Variants in TRIM2 observed in about 807,000 individuals in gnomAD.
TRIM2 encodes tripartite motif containing 2.
In TRIM2, 20 loss-of-function variants were observed where a neutral mutation model predicts 75.2. The ratio of observed to expected loss-of-function variants is 0.27; its 90% CI spans 0.19 to 0.39. TRIM2 has a LOEUF of 0.39. Ranked by LOEUF, TRIM2 falls within the 10% of genes least tolerant of loss-of-function variation. The pLI is 1.00. For missense variants in TRIM2, 660 were observed against 990.8 expected (o/e 0.67, Z 4.48); for synonymous variants, 373 against 388.3 (o/e 0.96, Z 0.46).
chr4:153,263,104 G>A (rs1753988133), intron 1 of TRIM2, among the ~76,000 whole-genome samples: 1 of 152,206 alleles, frequency 6.6e-6, no homozygotes, highest in African/African-American at 2.4e-5. Context: ...GCTGAAGCGA[G>A]AGGATCACTT....
In TRIM2 at chr4:153,239,834, C is replaced by CTTTTTT. The variant is rs372940429; in HGVS notation, c.31-30488_31-30483dup. Among the ~76,000 whole-genome samples the CTTTTTT allele has an allele frequency of 1.2e-4, 14 of 117,692 alleles. 1 individual carries two copies. The highest frequency in any genetic ancestry group is 2.2e-4 in the African/African-American group (6 of 27,324). 77.2% of individuals were successfully genotyped at this position (117,692 alleles called of 152,430 possible). A position where few individuals can be genotyped will look rare whatever the true frequency, so the allele number is the denominator to read the frequency against. On this transcript the variant is annotated intron_variant, in intron 1 of 11. Coordinates refer to ENST00000338700, the MANE Select transcript of TRIM2 (RefSeq NM_015271.5). ...ATGACAGCATCCTAACTTTCTTTCT[C>CTTTTTT]TTTTTTTTTTTTTTTTTTGTAAGAT...
chr4:153,273,894 T>G (rs1757454933), intron 2 of TRIM2, among the ~76,000 whole-genome samples: 1 of 152,028 alleles, frequency 6.6e-6, no homozygotes, highest in African/African-American at 2.4e-5. Flanking sequence ...GGGGAGTGAA[T>G]AGAATTTCAG....
upstream of TRIM2, among the ~76,000 whole-genome samples, chr4:153,201,034 G>A (rs1734311744): frequency 6.6e-6 from 1 of 151,888 alleles, no homozygotes; most frequent in South Asian, 2.1e-4. Flanking sequence ...CATGATGTCA[G>A]CTCACTGCAA....
rs897634323 is a variant in TRIM2 at position 153,316,924 on chromosome 4, A to T, written c.1782+925A>T. The stretch of plus-strand genomic sequence containing the variant: ...GAGACGGAGTCTTGCTCTGTCACCC[A>T]GTCTGGAGTGCAGTGGCGCGATCTC... On this transcript the variant is annotated intron_variant, in intron 8 of 11. Coordinates refer to ENST00000338700, the MANE Select transcript of TRIM2 (RefSeq NM_015271.5). 2.8e-5 allele frequency among the ~76,000 whole-genome samples: 3 copies of T among 108,252 alleles called. No homozygotes were observed. The Admixed American group carries it at 4.6e-4, about 17-fold the overall frequency. 71.0% of individuals were successfully genotyped at this position (108,252 alleles called of 152,430 possible).
chr4:153,249,898 C>T (rs1324962723), intron 1 of TRIM2, among the ~76,000 whole-genome samples: 1 of 152,114 alleles, frequency 6.6e-6, no homozygotes, highest in Non-Finnish European at 1.5e-5. Flanking sequence ...TAGTTAGCAC[C>T]GGGAGATTAC....
At chr4:153,326,094 C>T (rs1448999314) in intron 10 of TRIM2, among the ~76,000 whole-genome samples, 1 of 152,142 alleles carries the variant, frequency 6.6e-6, no homozygotes, top group East Asian at 1.9e-4. Context: ...GGGCTATCAT[C>T]AAGGTGATTT....
rs1489949017 is a variant in TRIM2 at position 153,339,044 on chromosome 4, C to T, written c.*4078C>T. 46 of 984,622 alleles carry T rather than the reference C, an allele frequency of 4.7e-5. No homozygotes were observed. Among genetic ancestry groups the T allele is most frequent in the Non-Finnish European group, 5.5e-5 (46 of 829,796 alleles). 61.0% of individuals were successfully genotyped at this position (984,622 alleles called of 1,614,324 possible). A position where few individuals can be genotyped will look rare whatever the true frequency, so the allele number is the denominator to read the frequency against. On this transcript the variant is annotated 3_prime_UTR_variant, in exon 12 of 12. Coordinates refer to ENST00000338700, the MANE Select transcript of TRIM2 (RefSeq NM_015271.5). Reference sequence around the variant, plus strand: ...ATGTTTTATGTATAGAACACTAAGTCTTGCACTCTCTGACATTGATACTGA... The same window carrying T: ...ATGTTTTATGTATAGAACACTAAGTTTTGCACTCTCTGACATTGATACTGA...
Position 153,337,765 on chromosome 4 carries a change from T to C in TRIM2, c.*2799T>C, listed in dbSNP as rs1772616340. The C allele has an allele frequency of 3.0e-6, 3 of 985,768 alleles. No individual in the cohort carries two copies. Among genetic ancestry groups the C allele is most frequent in the East Asian group, 1.1e-4 (1 of 8,832 alleles). The allele number at this position is 985,768 out of a possible 1,614,324, so 61.1% of individuals were successfully genotyped here. A position where few individuals can be genotyped will look rare whatever the true frequency, so the allele number is the denominator to read the frequency against. On this transcript the variant is annotated 3_prime_UTR_variant, in exon 12 of 12. Coordinates refer to ENST00000338700, the MANE Select transcript of TRIM2 (RefSeq NM_015271.5). ...TTGTTTGATTTCTCTTTGTCAAGTGTATAGAACCTGTCATACATTCATGAT... is the reference window on the plus strand; with the variant it reads ...TTGTTTGATTTCTCTTTGTCAAGTGCATAGAACCTGTCATACATTCATGAT...
intron 3 of TRIM2, among the ~76,000 whole-genome samples, chr4:153,289,281 A>C (rs1172959109): frequency 6.6e-6 from 1 of 151,982 alleles, no homozygotes; most frequent in Non-Finnish European, 1.5e-5. Flanking sequence ...TAAACTAATT[A>C]TTTTATATTT....
Position 153,253,874 on chromosome 4 carries a change from C to A in TRIM2, c.31-16461C>A, listed in dbSNP as rs929310625. On this transcript the variant is annotated intron_variant, in intron 1 of 11. Transcript: ENST00000338700. ...TGTTTAGCATATCATCAAGAAATAA[C>A]CATGTAAATGGGGAACCAGCAGCCC... 1.5e-4 allele frequency among the ~76,000 whole-genome samples: 23 copies of A among 152,164 alleles called. 1 individual carries two copies. The highest frequency in any genetic ancestry group is 1.2e-3 in the Admixed American group (19 of 15,286).
At position 153,287,761 on chromosome 4, in the gene TRIM2, T is replaced by G. The variant is rs138218501; in HGVS notation, c.454-5221T>G. On this transcript the variant is annotated intron_variant, in intron 3 of 11. Coordinates refer to ENST00000338700, the MANE Select transcript of TRIM2 (RefSeq NM_015271.5). The stretch of plus-strand genomic sequence containing the variant: ...GCTACATAGGTTTGTAATTATAGAT[T>G]ATGCTGTTTTATGCAGTTTTATTTT... Among the ~76,000 whole-genome samples the G allele has an allele frequency of 2.7e-3, 408 of 152,348 alleles. 2 individuals are homozygous for G. Among genetic ancestry groups the G allele is most frequent in the African/African-American group, 9.4e-3 (390 of 41,586 alleles).
rs1749898656 is a variant in TRIM2 at position 153,248,434 on chromosome 4, C to A, written c.31-21901C>A. Among the ~76,000 whole-genome samples, 1 of 152,196 alleles carries A rather than the reference C, an allele frequency of 6.6e-6. No individual in the cohort carries two copies. Among genetic ancestry groups the A allele is most frequent in the African/African-American group, 2.4e-5 (1 of 41,448 alleles). The stretch of plus-strand genomic sequence containing the variant: ...AAATTACTTACCCAGGGTTATACAA[C>A]TTGTAAGTGGCAGAGCCAGGATCCA... On this transcript the variant is annotated intron_variant, in intron 1 of 11. Transcript: ENST00000338700. The surrounding 1 kb of genome is among the most constrained non-coding windows in gnomAD (Gnocchi z 4.0).
chr4:153,255,234 C>T (rs1751784630), intron 1 of TRIM2, among the ~76,000 whole-genome samples: 1 of 152,196 alleles, frequency 6.6e-6, no homozygotes, highest in African/African-American at 2.4e-5. Flanking sequence ...ACATGACACT[C>T]AACAAGTCTT....
At chr4:153,178,314 C>T (rs904694838) in intron 1 of TRIM2, among the ~76,000 whole-genome samples, 2 of 152,156 alleles carry the variant, frequency 1.3e-5, no homozygotes, top group African/African-American at 2.4e-5. Flanking sequence ...CCCAACCCCA[C>T]GCCGAACTCT....
At chr4:153,206,499 G>A (rs1354838265) in intron 1 of TRIM2, among the ~76,000 whole-genome samples, 1 of 152,148 alleles carries the variant, frequency 6.6e-6, no homozygotes, top group Non-Finnish European at 1.5e-5. Context: ...GAGATGGCTA[G>A]GGAGGGTCTT....
At chr4:153,275,063 G>A (rs2150058165) in intron 2 of TRIM2, among the ~76,000 whole-genome samples, 1 of 152,294 alleles carries the variant, frequency 6.6e-6, no homozygotes, top group East Asian at 1.9e-4. Context: ...AGATTATGGT[G>A]CCAAACTGCC....
intron 2 of TRIM2, among the ~76,000 whole-genome samples, chr4:153,271,185 G>A (rs761986515): frequency 2.0e-5 from 3 of 152,046 alleles, no homozygotes; most frequent in Non-Finnish European, 2.9e-5. Context: ...TTAAGCATAA[G>A]TTTGTTAGTA....
intron 1 of TRIM2, chr4:153,222,925 T>C (rs1356464335): frequency 1.3e-5 from 2 of 151,740 alleles, no homozygotes; most frequent in Non-Finnish European, 2.9e-5. Context: ...CCTGATGTCG[T>C]GAGCTAGGGC....
intron 1 of TRIM2, among the ~76,000 whole-genome samples, chr4:153,239,581 AGT>A (rs1745969540): frequency 6.6e-6 from 1 of 152,180 alleles, no homozygotes; most frequent in African/African-American, 2.4e-5. Context: ...TCTAGTAAGC[AGT>A]TGCATCATCA....
Sources: allele counts gnomAD v4.1 joint callset (sites outside exome capture counted in the v4.1 genomes callset), GRCh38; gene constraint gnomAD v4.1.1; non-coding constraint Gnocchi (gnomAD v3.1); transcripts MANE v1.5; gene names NCBI Gene and HGNC (gene_info 2026-07-23, HGNC 2026-07-21).